The following ATP6V1A variants were observed in gnomAD, a reference collection of about 807,000 sequenced individuals.
ATP6V1A encodes the protein ATPase H+ transporting V1 subunit A, also known as V-type proton ATPase catalytic subunit A.
In ATP6V1A, 18 loss-of-function variants were observed where a neutral mutation model predicts 70.1. That is an observed-to-expected ratio of 0.26 (90% CI 0.18 to 0.38). The LOEUF (loss-of-function observed/expected upper bound fraction) is 0.38, where lower values mean the gene tolerates loss of function less well. ATP6V1A is among the 10% of genes least tolerant of loss of function. The probability of loss-of-function intolerance (pLI) is 1.00; values close to 1 mark genes in which losing one functional copy is unlikely to be tolerated. For missense variants in ATP6V1A, 424 were observed against 772.4 expected (o/e 0.55, Z 5.35); for synonymous variants, 232 against 253.8 (o/e 0.91, Z 0.82).
intron 1 of ATP6V1A, among the ~76,000 whole-genome samples, chr3:113,772,157 G>C (rs1708848902): frequency 6.6e-6 from 1 of 152,208 alleles, no homozygotes; most frequent in South Asian, 2.1e-4. Flanking sequence ...CTGGGCCTTT[G>C]TACCTCCATT....
At chr3:113,747,426 G>C (rs942462573) in intron 1 of ATP6V1A, 2 of 152,408 alleles carry the variant, frequency 1.3e-5, no homozygotes, top group Non-Finnish European at 2.9e-5. Context: ...GTCTGCAGTA[G>C]ACATTAGGTC....
chr3:113,795,289 G>C, intron 10 of ATP6V1A, 85 bp downstream of exon 10: 1 of 1,417,608 alleles, frequency 7.1e-7, no homozygotes, highest in Non-Finnish European at 9.6e-7. Flanking sequence ...ATTTTAAAGA[G>C]AGAATATTTA....
At chr3:113,770,639 A>C (rs942565375) in intron 1 of ATP6V1A, among the ~76,000 whole-genome samples, 1 of 152,138 alleles carries the variant, frequency 6.6e-6, no homozygotes, top group East Asian at 1.9e-4. Flanking sequence ...ACATCGTGCC[A>C]CCGCACTCCA....
intron 1 of ATP6V1A, among the ~76,000 whole-genome samples, chr3:113,767,252 C>T (rs533933677): frequency 2.0e-5 from 3 of 151,982 alleles, no homozygotes; most frequent in East Asian, 3.9e-4. Flanking sequence ...CCGCCATGCC[C>T]GGCTAATTTT....
At chr3:113,771,405 G>C (rs1402723340) in intron 1 of ATP6V1A, among the ~76,000 whole-genome samples, 1 of 149,270 alleles carries the variant, frequency 6.7e-6, no homozygotes, top group South Asian at 2.1e-4. Context: ...TCACTGTGGG[G>C]AAAAAACACT....
intron 3 of ATP6V1A, among the ~76,000 whole-genome samples, chr3:113,782,619 T>TTTTG (rs1307902389): frequency 6.8e-6 from 1 of 147,214 alleles, no homozygotes; most frequent in African/African-American, 2.5e-5. Flanking sequence ...TATATGGTTT[T>TTTTG]TTTGTTTGTT....
At chr3:113,786,057 TAA>T (rs63484660) in intron 5 of ATP6V1A, among the ~76,000 whole-genome samples, 173 bp from the exon 6 acceptor site, 45 of 132,914 alleles carry the variant, frequency 3.4e-4, no homozygotes, top group African/African-American at 4.7e-4. Flanking sequence ...TGCACCAGGT[TAA>T]AAAAAAAAAA....
At chr3:113,763,278 G>A (rs1428880072) in intron 1 of ATP6V1A, among the ~76,000 whole-genome samples, 1 of 152,122 alleles carries the variant, frequency 6.6e-6, no homozygotes, top group African/African-American at 2.4e-5. Flanking sequence ...TAGTAGAGAC[G>A]GGGTTTCACT....
intron 1 of ATP6V1A, among the ~76,000 whole-genome samples, chr3:113,775,605 A>C (rs1708902354): frequency 6.6e-6 from 1 of 152,182 alleles, no homozygotes; most frequent in Non-Finnish European, 1.5e-5. Flanking sequence ...ACTGTTTTTC[A>C]AATGCAGATA....
At chr3:113,770,588 A>G (rs1185482868) in intron 1 of ATP6V1A, among the ~76,000 whole-genome samples, 2 of 152,114 alleles carry the variant, frequency 1.3e-5, no homozygotes, top group African/African-American at 4.8e-5. Context: ...CTGAGACACA[A>G]GAATCGCTTG....
At chr3:113,761,290 G>A (rs1267666808) in intron 1 of ATP6V1A, among the ~76,000 whole-genome samples, 2 of 151,658 alleles carry the variant, frequency 1.3e-5, no homozygotes, top group Non-Finnish European at 2.9e-5. Context: ...CACTGTTGAT[G>A]CTGTCTCTTT....
At position 113,811,003 on chromosome 3, in the gene ATP6V1A, G is replaced by A. The variant is rs868615389; in HGVS notation, c.*1576G>A. 3.9e-5 allele frequency: 6 copies of A among 152,002 alleles called. No individual in the cohort carries two copies. Among genetic ancestry groups the A allele is most frequent in the South Asian group, 2.1e-4 (1 of 4,830 alleles). The allele number at this position is 152,002 out of a possible 1,614,324, so 9.4% of individuals were successfully genotyped here. A position where few individuals can be genotyped will look rare whatever the true frequency, so the allele number is the denominator to read the frequency against. On this transcript the variant is annotated 3_prime_UTR_variant, in exon 15 of 15. Coordinates refer to ENST00000273398, the MANE Select transcript of ATP6V1A (RefSeq NM_001690.4). ...CACATGAAAAAAAATCATTTTATCC[G>A]TCTTTTAAGTATATGTTTAAAATAA...
intron 1 of ATP6V1A, among the ~76,000 whole-genome samples, chr3:113,763,180 C>T (rs1708725956): frequency 6.6e-6 from 1 of 152,166 alleles, no homozygotes; most frequent in Admixed American, 6.6e-5. Context: ...GCAGCCTCCG[C>T]TTCCTGGGTT....
At chr3:113,791,460 T>C (rs1241169283) in intron 8 of ATP6V1A, among the ~76,000 whole-genome samples, 1 of 152,034 alleles carries the variant, frequency 6.6e-6, no homozygotes, top group Non-Finnish European at 1.5e-5. Context: ...TTGACCATCA[T>C]TGTATTCTTC....
intron 1 of ATP6V1A, among the ~76,000 whole-genome samples, chr3:113,757,833 C>G (rs888728559): frequency 6.6e-6 from 1 of 152,206 alleles, no homozygotes; most frequent in African/African-American, 2.4e-5. Context: ...TTGCATAGGT[C>G]AAATAGTCCT....
chr3:113,766,369 C>T (rs1378551956), intron 1 of ATP6V1A, among the ~76,000 whole-genome samples: 6 of 152,156 alleles, frequency 3.9e-5, no homozygotes, highest in African/African-American at 1.4e-4. Flanking sequence ...GACCATGGCT[C>T]AGTGCAGCCT....
intron 1 of ATP6V1A, among the ~76,000 whole-genome samples, chr3:113,760,088 C>T (rs1480399940): frequency 1.3e-5 from 2 of 152,180 alleles, no homozygotes; most frequent in Admixed American, 1.3e-4. Context: ...GAAAACTTCT[C>T]CTCTCCCCAC....
chr3:113,779,711 A>G lies in ATP6V1A; in HGVS notation c.82+876A>G, dbSNP rs531147836. ...ATGCAGAGAAATAATTGTCCTCTCA[A>G]TGATCATAAGGGTCTTCAGGATGGA... is the stretch of plus-strand genomic sequence containing the variant. On this transcript the variant is annotated intron_variant, in intron 2 of 14. Coordinates refer to ENST00000273398, the MANE Select transcript of ATP6V1A (RefSeq NM_001690.4). Among the ~76,000 whole-genome samples, 57 of 152,316 alleles carry G rather than the reference A, an allele frequency of 3.7e-4. No individual in the cohort carries two copies. The South Asian group carries it at 0.01, about 27-fold the overall frequency.
In ATP6V1A at chr3:113,778,884, A is replaced by G. The variant is rs751843450; in HGVS notation, c.82+49A>G. On this transcript the variant is annotated intron_variant, in intron 2 of 14. Coordinates refer to ENST00000273398, the MANE Select transcript of ATP6V1A (RefSeq NM_001690.4). The stretch of plus-strand genomic sequence containing the variant: ...AAATAAGGATATCTAACTTTGATTA[A>G]TGTCTTTTCAAAATATTTTACATAG... The G allele has an allele frequency of 9.0e-6, 11 of 1,222,660 alleles. No homozygotes were observed. In the South Asian group the frequency reaches 1.7e-4, roughly 19 times the overall value. The allele number at this position is 1,222,660 out of a possible 1,614,324, so 75.7% of individuals were successfully genotyped here. A position where few individuals can be genotyped will look rare whatever the true frequency, so the allele number is the denominator to read the frequency against.
Sources: gnomAD v4.1 joint callset for allele counts (sites outside exome capture counted in the v4.1 genomes callset) on GRCh38, gnomAD v4.1.1 for gene constraint, MANE v1.5 for transcripts, NCBI Gene and HGNC (gene_info 2026-07-23, HGNC 2026-07-21) for gene names.